Variants in PSG2 observed in about 807,000 individuals in gnomAD.
PSG2 encodes the protein pregnancy-specific beta-1-glycoprotein 2.
A neutral mutation model predicts 36.2 loss-of-function variants in PSG2; 49 were observed. The observed-to-expected ratio is 1.35, with a 90% CI of 1.08 to 1.72. The LOEUF is 1.72. PSG2 is among the 40% of genes most tolerant of loss of function. The probability of loss-of-function intolerance (pLI) is 0.00; values close to 1 mark genes in which losing one functional copy is unlikely to be tolerated. For synonymous variants in PSG2, 261 were observed against 155.6 expected (o/e 1.68, Z -5.04); for missense variants, 605 against 407.2 (o/e 1.49, Z -4.18).
At chr19:43,065,658 C>G (rs998606348) in intron 5 of PSG2, 5 of 151,652 alleles carry the variant, frequency 3.3e-5, no homozygotes, top group African/African-American at 1.2e-4. Context: ...GGTCTCATTT[C>G]CTGTCTTAGG....
rs370312911 is a variant in PSG2 at position 43,075,871 on chromosome 19, TG to T, written c.431-240del. 1.6e-4 allele frequency among the ~76,000 whole-genome samples: 24 copies of T among 151,630 alleles called. 1 individual carries two copies. In the East Asian group the frequency reaches 3.1e-3, roughly 20 times the overall value. On this transcript the variant is annotated intron_variant, in intron 2 of 5. Transcript: ENST00000406487. ...TCAGGTGTGTATTGAGCAGCAGCATTGGGTCATGGAAAGACACAGGACCAGC... is the reference window on the plus strand; with the variant it reads ...TCAGGTGTGTATTGAGCAGCAGCATTGGTCATGGAAAGACACAGGACCAGC...
chr19:43,081,280 G>A, intron 1 of PSG2, 34 bp from the exon 2 acceptor site: 1 of 1,596,662 alleles, frequency 6.3e-7, no homozygotes, highest in Non-Finnish European at 8.5e-7. Context: ...ACAATATTGA[G>A]ACCTATGTAT....
chr19:43,073,603 C>T (rs891199336), intron 3 of PSG2, among the ~76,000 whole-genome samples: 3 of 151,694 alleles, frequency 2.0e-5, no homozygotes, highest in Non-Finnish European at 1.5e-5. Flanking sequence ...CTGGGTTCGA[C>T]TACTCTAGGG....
chr19:43,082,122 C>CTCTTTTTTTTTTTTTTTTTTTTTTT (rs1967987456), intron 1 of PSG2: 1 of 67,940 alleles, frequency 1.5e-5, no homozygotes, highest in Non-Finnish European at 2.7e-5. Context: ...TTTCTTCTCT[C>CTCTTTTTTTTTTTTTTTTTTTTTTT]TTTTTTTTTT....
chr19:43,076,714 T>G (rs1967901351), intron 2 of PSG2, among the ~76,000 whole-genome samples: 1 of 151,620 alleles, frequency 6.6e-6, no homozygotes, highest in South Asian at 2.1e-4. Context: ...CGGTTCCAGT[T>G]ATGCAGGATA....
chr19:43,064,528 T>C lies in PSG2; in HGVS notation c.*114A>G. On this transcript the variant is annotated 3_prime_UTR_variant, in exon 6 of 6. Coordinates refer to ENST00000406487, the MANE Select transcript of PSG2 (RefSeq NM_031246.4). ...TCATTAAAATTTTGAAAGTTCTTAG[T>C]CCAGTGGTATGATCTTGAAGTTATC... 1.6e-6 allele frequency: 1 copy of C among 636,660 alleles called. No homozygotes were observed. The highest frequency in any genetic ancestry group is 2.6e-5 in the Admixed American group (1 of 38,656). 39.4% of individuals were successfully genotyped at this position (636,660 alleles called of 1,614,324 possible).
rs552700449 is a variant in PSG2 at position 43,069,935 on chromosome 19, T to C, written c.964+1765A>G. ...ATGATAAAAATATTTGCAAATTATATGTGTGATAAGAAATTAATTTCCAGA... is the reference window on the plus strand; with the variant it reads ...ATGATAAAAATATTTGCAAATTATACGTGTGATAAGAAATTAATTTCCAGA... On this transcript the variant is annotated intron_variant, in intron 4 of 5. Coordinates refer to ENST00000406487, the MANE Select transcript of PSG2 (RefSeq NM_031246.4). Among the ~76,000 whole-genome samples the C allele has an allele frequency of 2.6e-5, 4 of 151,850 alleles. No individual in the cohort carries two copies. The South Asian group carries it at 8.3e-4, about 32-fold the overall frequency.
chr19:43,072,702 G>A lies in PSG2; in HGVS notation c.710-748C>T, dbSNP rs189167556. 44 of 1,582,974 alleles carry A rather than the reference G, an allele frequency of 2.8e-5. 2 individuals are homozygous for A. The Middle Eastern group carries it at 6.8e-4, about 24-fold the overall frequency. On this transcript the variant is annotated intron_variant, in intron 3 of 5. Transcript: ENST00000406487. ...CCTCCACAGGCATCCTTCAATCAGAGTTACCATCTCCCACCTCTCAGCCCA... is the reference window on the plus strand; with the variant it reads ...CCTCCACAGGCATCCTTCAATCAGAATTACCATCTCCCACCTCTCAGCCCA...
rs552884424 is a variant in PSG2 at position 43,072,331 on chromosome 19, C to T, written c.710-377G>A. On this transcript the variant is annotated intron_variant, in intron 3 of 5. Coordinates refer to ENST00000406487, the MANE Select transcript of PSG2 (RefSeq NM_031246.4). ...TTGGATTTAAGCTGGTGGCCTGGCC[C>T]ACAGAGGAACAAAAGATACAGAGGA... 74 of 1,611,230 alleles carry T rather than the reference C, an allele frequency of 4.6e-5. 2 individuals are homozygous for T. Among genetic ancestry groups the T allele is most frequent in the Non-Finnish European group, 6.2e-5 (73 of 1,178,824 alleles).
At chr19:43,079,780 A>T (rs1967945778) in intron 2 of PSG2, among the ~76,000 whole-genome samples, 1 of 151,642 alleles carries the variant, frequency 6.6e-6, no homozygotes, top group African/African-American at 2.4e-5. Flanking sequence ...TGAGGTTTGG[A>T]TGCCTAAGAA....
chr19:43,067,014 C>T (rs1599703977), intron 4 of PSG2, among the ~76,000 whole-genome samples: 1 of 151,536 alleles, frequency 6.6e-6, no homozygotes, highest in East Asian at 1.9e-4. Flanking sequence ...CAGGTCAGTG[C>T]ATTTCAAATT....
Position 43,072,513 on chromosome 19 carries a change from T to C in PSG2, c.710-559A>G, listed in dbSNP as rs1967834384. 1.9e-6 allele frequency: 3 copies of C among 1,611,204 alleles called. 1 individual carries two copies. The African/African-American group carries it at 4.0e-5, about 22-fold the overall frequency. Reference sequence around the variant, plus strand: ...GGACTGACCGGGAGGCTCTGACCATTTAGCCACCAAATGTAGGTGTAGCTC... The same window carrying C: ...GGACTGACCGGGAGGCTCTGACCATCTAGCCACCAAATGTAGGTGTAGCTC... On this transcript the variant is annotated intron_variant, in intron 3 of 5. Transcript: ENST00000406487.
At chr19:43,077,316 A>G (rs552423148) in intron 2 of PSG2, among the ~76,000 whole-genome samples, 1 of 151,914 alleles carries the variant, frequency 6.6e-6, no homozygotes, top group South Asian at 2.1e-4. Flanking sequence ...CAGTGCATCA[A>G]TTACATAAAG....
chr19:43,077,693 C>T (rs1351300083), intron 2 of PSG2, among the ~76,000 whole-genome samples: 1 of 151,750 alleles, frequency 6.6e-6, no homozygotes, highest in Non-Finnish European at 1.5e-5. Flanking sequence ...ATTCCTATTA[C>T]GTGTACGTTA....
chr19:43,080,671 G>A (rs1440170804), intron 2 of PSG2, among the ~76,000 whole-genome samples: 5 of 151,568 alleles, frequency 3.3e-5, no homozygotes, highest in African/African-American at 4.9e-5. Flanking sequence ...CCTCTGCAGC[G>A]AGTGTCTGCA....
chr19:43,075,727 C>T (rs1435859187), intron 2 of PSG2, 95 bp from the exon 3 acceptor site: 4 of 1,532,984 alleles, frequency 2.6e-6, no homozygotes, highest in Non-Finnish European at 3.5e-6. Context: ...CACCTCTCAG[C>T]CCACCCAAGT....
intron 3 of PSG2, among the ~76,000 whole-genome samples, chr19:43,073,774 A>C (rs1967852376): frequency 6.6e-6 from 1 of 151,654 alleles, no homozygotes; most frequent in African/African-American, 2.4e-5. Context: ...CCTATAGTTC[A>C]CACAGATTGA....
intron 3 of PSG2, chr19:43,072,391 A>G (rs1469940592): frequency 6.2e-7 from 1 of 1,612,536 alleles, no homozygotes; most frequent in Admixed American, 1.7e-5. Flanking sequence ...GGATGCCACC[A>G]TATCGGTCCC....
At chr19:43,075,276 AG>A in intron 3 of PSG2, 77 bp downstream of exon 3, 1 of 1,612,038 alleles carries the variant, frequency 6.2e-7, no homozygotes. Flanking sequence ...TGGACCTGAG[AG>A]GGACTGAGAG....
Sources: allele counts gnomAD v4.1 joint callset (sites outside exome capture counted in the v4.1 genomes callset), GRCh38; gene constraint gnomAD v4.1.1; transcripts MANE v1.5; gene names NCBI Gene and HGNC (gene_info 2026-07-23, HGNC 2026-07-21).